Variants in ART3 observed in about 807,000 individuals in gnomAD.
ART3 encodes the protein ecto-ADP-ribosyltransferase 3.
A neutral mutation model predicts 48.5 loss-of-function variants in ART3; 49 were observed. The observed-to-expected ratio is 1.01, with a 90% CI of 0.80 to 1.28. The LOEUF (loss-of-function observed/expected upper bound fraction) is 1.28, where lower values mean the gene tolerates loss of function less well. Ranked by LOEUF, ART3 falls within the 50% of genes most tolerant of loss-of-function variation. The pLI, the probability that ART3 is intolerant of heterozygous loss-of-function variation, is 0.00. For synonymous variants in ART3, 145 were observed against 157.2 expected (o/e 0.92, Z 0.58); for missense variants, 438 against 454.3 (o/e 0.96, Z 0.33).
intron 1 of ART3, among the ~76,000 whole-genome samples, chr4:76,061,494 A>T (rs1719208319): frequency 6.6e-6 from 1 of 152,118 alleles, no homozygotes; most frequent in Non-Finnish European, 1.5e-5. Flanking sequence ...ATGTCTTGGT[A>T]ATTTATTCTT....
rs1190358835 is a variant in ART3 at position 76,081,961 on chromosome 4, G to A, written c.207G>A (p.Val69=). Residue 69 remains valine, a synonymous_variant, in exon 3 of 12, where the codon GTG becomes GTA. Transcript: ENST00000355810. ...CAAGCCACCAGCAATTAGATACTGTGTGGGAAAATGCAAAAGCCAAATGGG... is the reference window on the plus strand; with the variant it reads ...CAAGCCACCAGCAATTAGATACTGTATGGGAAAATGCAAAAGCCAAATGGG... ...EKASHQQLDT[V]WENAKAKWAA... The A allele has an allele frequency of 6.2e-7, 1 of 1,614,170 alleles. No individual in the cohort carries two copies. Among genetic ancestry groups the A allele is most frequent in the Non-Finnish European group, 8.5e-7 (1 of 1,180,024 alleles).
intron 1 of ART3, chr4:76,034,619 G>T: frequency 1.6e-6 from 1 of 630,698 alleles, no homozygotes; most frequent in Non-Finnish European, 2.8e-6. Context: ...TCTGTTTTTG[G>T]TCCTTTCACC....
At position 76,047,148 on chromosome 4, in the gene ART3, T is replaced by C. The variant is rs1032031771; in HGVS notation, c.-9-28733T>C. Reference sequence around the variant, plus strand: ...GGACGAGGGGGCAGCTTGTTTCTCATTGGACAATCTTTTTTAAAGTGTCCT... The same window carrying C: ...GGACGAGGGGGCAGCTTGTTTCTCACTGGACAATCTTTTTTAAAGTGTCCT... On this transcript the variant is annotated intron_variant, in intron 1 of 9. Coordinates refer to the ART3 transcript ENST00000341029. 8.6e-5 allele frequency among the ~76,000 whole-genome samples: 13 copies of C among 151,994 alleles called. 1 individual carries two copies. The highest frequency in any genetic ancestry group is 1.6e-4 in the Non-Finnish European group (11 of 67,936).
chr4:76,089,246 T>C (rs779964940), intron 3 of ART3, among the ~76,000 whole-genome samples: 2 of 152,178 alleles, frequency 1.3e-5, no homozygotes, highest in African/African-American at 2.4e-5. Context: ...GCGACAACAA[T>C]TGCTAAAAAG....
intron 1 of ART3, among the ~76,000 whole-genome samples, chr4:76,049,371 T>G (rs1165943870): frequency 6.6e-6 from 1 of 151,778 alleles, no homozygotes; most frequent in Non-Finnish European, 1.5e-5. Flanking sequence ...TTGGGCGACA[T>G]GCTTTTGAGA....
In ART3 at chr4:76,112,445, C is replaced by T. The variant is rs944061573; in HGVS notation, c.1096C>T (p.Leu366=). ...CCATCCTTCTGCATCCTCGGGCAAA[C>T]TGCTGCTTCCACAGTTTGGGATGGT... ...KSHPSASSGK[L]LLPQFGMVII... Residue 366 remains leucine (L), a synonymous_variant, in exon 12 of 12, where the codon CTG becomes TTG. Transcript: ENST00000355810. 2.5e-6 allele frequency: 4 copies of T among 1,614,118 alleles called. No homozygotes were observed. The highest frequency in any genetic ancestry group is 2.5e-6 in the Non-Finnish European group (3 of 1,180,016).
rs1446541149 is a variant in ART3 at position 76,082,681 on chromosome 4, A to G, written c.781+146A>G. 10 of 612,328 alleles carry G rather than the reference A, an allele frequency of 1.6e-5. No individual in the cohort carries two copies. The South Asian group carries it at 2.3e-4, about 14-fold the overall frequency. The allele number at this position is 612,328 out of a possible 1,614,324, so 37.9% of individuals were successfully genotyped here. Reference sequence around the variant, plus strand: ...CTTCTTTCATACTATCTCTTTACCCATAGTTAATTTTATGAAAATTGTACA... The same window carrying G: ...CTTCTTTCATACTATCTCTTTACCCGTAGTTAATTTTATGAAAATTGTACA... On this transcript the variant is annotated intron_variant, in intron 3 of 11. Coordinates refer to ENST00000355810, the MANE Select transcript of ART3 (RefSeq NM_001130016.3).
intron 2 of ART3, among the ~76,000 whole-genome samples, chr4:76,079,581 A>AG: frequency 6.6e-6 from 1 of 152,184 alleles, no homozygotes; most frequent in Non-Finnish European, 1.5e-5. Flanking sequence ...GAGTTAGAAA[A>AG]TACGTAGCCT....
intron 1 of ART3, among the ~76,000 whole-genome samples, chr4:76,048,853 G>C (rs1042068648): frequency 6.6e-6 from 1 of 151,804 alleles, no homozygotes; most frequent in African/African-American, 2.4e-5. Flanking sequence ...ACCTGTTAGA[G>C]TCCTAAGCAT....
intron 1 of ART3, among the ~76,000 whole-genome samples, chr4:76,066,616 C>T (rs370255996): frequency 3.9e-4 from 59 of 152,128 alleles, no homozygotes; most frequent in African/African-American, 1.3e-3. Flanking sequence ...TGGCTGAGCC[C>T]GGCTATTTAT....
intron 1 of ART3, among the ~76,000 whole-genome samples, chr4:76,051,173 G>A (rs568061737): frequency 2.2e-4 from 33 of 152,166 alleles, no homozygotes; most frequent in Admixed American, 3.3e-4. Context: ...AGGAGGTGCC[G>A]AGAGCAAGCG....
chr4:76,022,678 G>C, intron 1 of ART3: 2 of 1,612,810 alleles, frequency 1.2e-6, no homozygotes, highest in Non-Finnish European at 1.7e-6. Flanking sequence ...TAATCAGATG[G>C]GATTTCACTC....
chr4:76,021,961 A>C (rs780748900), intron 1 of ART3: 1 of 1,607,738 alleles, frequency 6.2e-7, no homozygotes, highest in East Asian at 2.2e-5. Context: ...GTAAGAAGAG[A>C]AAGGGGATAT....
At chr4:76,109,699 T>G (rs145943831) in intron 11 of ART3, among the ~76,000 whole-genome samples, 128 of 152,332 alleles carry the variant, frequency 8.4e-4, no homozygotes, top group Middle Eastern at 3.4e-3. Context: ...TAGGAAATTT[T>G]CAGCTCTATT....
intron 8 of ART3, among the ~76,000 whole-genome samples, chr4:76,102,876 G>C (rs1419500308): frequency 1.4e-4 from 21 of 151,952 alleles, no homozygotes; most frequent in Admixed American, 1.4e-3. Flanking sequence ...ATTTTGGGTC[G>C]AGGTCTTTGG....
At chr4:76,085,165 G>A (rs1004724286) in intron 3 of ART3, among the ~76,000 whole-genome samples, 7 of 152,228 alleles carry the variant, frequency 4.6e-5, no homozygotes, top group Non-Finnish European at 1.0e-4. Flanking sequence ...GAGTAAACTG[G>A]TGAGGGGTTG....
chr4:76,052,368 G>A (rs6848603), intron 1 of ART3, among the ~76,000 whole-genome samples: 89,103 of 152,056 alleles, frequency 0.59, 26,974 homozygotes, highest in East Asian at 0.94. Flanking sequence ...TGCATGCACA[G>A]AATAAGGGCC....
At position 76,027,192 on chromosome 4, in the gene ART3, G is replaced by T. The variant is rs557026147; in HGVS notation, c.-10+15872G>T. 2.6e-4 allele frequency among the ~76,000 whole-genome samples: 40 copies of T among 152,340 alleles called. No homozygotes were observed. The East Asian group carries it at 7.1e-3, about 27-fold the overall frequency. ...CACTTGAACCCTGGAGACGGAGGTT[G>T]CAGTGAGCCGAGATCACGCCATTGC... On this transcript the variant is annotated intron_variant, in intron 1 of 9. Coordinates refer to the ART3 transcript ENST00000341029.
chr4:76,011,772 TGCGCCCAG>T (rs1731820057), intron 1 of ART3, among the ~76,000 whole-genome samples: 1 of 152,238 alleles, frequency 6.6e-6, no homozygotes, highest in African/African-American at 2.4e-5. Flanking sequence ...CTGGGGCCGC[TGCGCCCAG>T]CTCAGGCCTG....
Sources: gnomAD v4.1 joint callset for allele counts (sites outside exome capture counted in the v4.1 genomes callset) on GRCh38, gnomAD v4.1.1 for gene constraint, MANE v1.5 for transcripts, NCBI Gene and HGNC (gene_info 2026-07-23, HGNC 2026-07-21) for gene names.